ABCC1: variants seen among roughly 807,000 people sequenced by gnomAD.
ABCC1 encodes the protein ATP binding cassette subfamily C member 1 (ABCC1 blood group).
A neutral mutation model predicts 172.9 loss-of-function variants in ABCC1; 83 were observed. That is an observed-to-expected ratio of 0.48 (90% CI 0.40 to 0.58). The LOEUF (loss-of-function observed/expected upper bound fraction) is 0.58. Ranked by LOEUF, ABCC1 falls within the 20% of genes least tolerant of loss-of-function variation. ABCC1 has a pLI of 0.00. For missense variants in ABCC1, 1,817 were observed against 2,002.7 expected (o/e 0.91, Z 1.77); for synonymous variants, 937 against 825.2 (o/e 1.14, Z -2.32).
At chr16:16,124,952 T>A (rs1395231809) in intron 25 of ABCC1, 37 bp downstream of exon 25, 1 of 1,613,300 alleles carries the variant, frequency 6.2e-7, no homozygotes. Flanking sequence ...TATTAAAGTC[T>A]GTTAATGGGG....
Position 16,016,527 on chromosome 16 carries a change from C to A in ABCC1, c.521C>A (p.Thr174Asn). The change falls in exon 5 of 31, where the codon ACT (threonine) becomes AAT (asparagine). Residue 174 changes from threonine to asparagine, a missense_variant. Around this residue, in one of 3 missense-constraint regions of ABCC1, gnomAD observed 398 missense variants for 384.2 expected, o/e 1.04. Coordinates refer to ENST00000399410, the MANE Select transcript of ABCC1 (RefSeq NM_004996.4). ...DAQVDLFRDI[T>N]FYVYFSLLLI... ...CAGGTGGACCTGTTTCGTGACATCA[C>A]TTTCTACGTCTACTTTTCCCTCTTA... The A allele has an allele frequency of 6.2e-7, 1 of 1,614,170 alleles. No individual in the cohort carries two copies. Among genetic ancestry groups the A allele is most frequent in the Non-Finnish European group, 8.5e-7 (1 of 1,180,018 alleles).
intron 24 of ABCC1, among the ~76,000 whole-genome samples, chr16:16,124,173 A>T (rs1360230292): frequency 6.6e-6 from 1 of 152,208 alleles, no homozygotes; most frequent in Non-Finnish European, 1.5e-5. Context: ...TCTGTCTCGT[A>T]ACAAGAGACT....
chr16:15,958,336 A>G (rs2046049221), intron 1 of ABCC1, among the ~76,000 whole-genome samples: 1 of 150,878 alleles, frequency 6.6e-6, no homozygotes, highest in Non-Finnish European at 1.5e-5. Context: ...GAATTCCTGA[A>G]CTCAAGTGGA....
chr16:16,010,037 C>CT lies in ABCC1; in HGVS notation c.351+159dup, dbSNP rs71388789. 8.5e-3 allele frequency: 920 copies of CT among 108,006 alleles called. 28 individuals are homozygous for CT. The highest frequency in any genetic ancestry group is 0.033 in the South Asian group (160 of 4,846). The allele number at this position is 108,006 out of a possible 1,614,324, so 6.7% of individuals were successfully genotyped here. A position where few individuals can be genotyped will look rare whatever the true frequency, so the allele number is the denominator to read the frequency against. On this transcript the variant is annotated intron_variant, in intron 3 of 30. Coordinates refer to ENST00000399410, the MANE Select transcript of ABCC1 (RefSeq NM_004996.4). ...AGCTGGGATATAAATTAAATGTAGCCTTTTTTTTTTTTTTTTTTTTTTTAA... is the reference window on the plus strand; with the variant it reads ...AGCTGGGATATAAATTAAATGTAGCCTTTTTTTTTTTTTTTTTTTTTTTTAA...
chr16:16,008,060 G>A (rs1278045257), intron 2 of ABCC1, 68 bp downstream of exon 2: 12 of 1,431,248 alleles, frequency 8.4e-6, no homozygotes, highest in Non-Finnish European at 1.1e-5. Flanking sequence ...GGTGGTTGGT[G>A]ATAACTGACA....
In ABCC1 at chr16:16,098,785, C is replaced by T. The variant is rs895264763; in HGVS notation, c.2645-3842C>T. 6 of 1,208,050 alleles carry T rather than the reference C, an allele frequency of 5.0e-6. No homozygotes were observed. In the African/African-American group the frequency reaches 6.2e-5, roughly 12 times the overall value. 74.8% of individuals were successfully genotyped at this position (1,208,050 alleles called of 1,614,324 possible). A position where few individuals can be genotyped will look rare whatever the true frequency, so the allele number is the denominator to read the frequency against. On this transcript the variant is annotated intron_variant, in intron 19 of 30. Coordinates refer to ENST00000399410, the MANE Select transcript of ABCC1 (RefSeq NM_004996.4). ...TGCCTCTCCCCCTTTAGAAAAGACA[C>T]TCCCTTCACTCCTTTATTTAGATAG...
rs772691417 is a variant in ABCC1 at position 16,114,902 on chromosome 16, G to A, written c.3216G>A (p.Leu1072=). The change falls in exon 23 of 31, where the codon CTG becomes CTA. Residue 1072 remains leucine (L), a synonymous_variant. Coordinates refer to ENST00000399410, the MANE Select transcript of ABCC1 (RefSeq NM_004996.4). ...TTGAGCGGACCCCCAGTGGGAACCT[G>A]GTGAACCGCTTCTCCAAGGAGCTGG... is the stretch of plus-strand genomic sequence containing the variant. The part of the protein sequence containing the change: ...SFFERTPSGN[L]VNRFSKELDT... 2 of 1,613,788 alleles carry A rather than the reference G, an allele frequency of 1.2e-6. No homozygotes were observed. The highest frequency in any genetic ancestry group is 1.3e-5 in the African/African-American group (1 of 74,936).
intron 14 of ABCC1, among the ~76,000 whole-genome samples, chr16:16,072,409 T>C (rs1304906085): frequency 1.3e-5 from 2 of 151,782 alleles, no homozygotes; most frequent in East Asian, 1.9e-4. Context: ...GGTCTCGAAC[T>C]CCTTAGCTCA....
Position 15,949,685 on chromosome 16 carries a change from C to A in ABCC1, c.-67C>A. The A allele has an allele frequency of 5.0e-6, 5 of 995,762 alleles. No homozygotes were observed. Among genetic ancestry groups the A allele is most frequent in the Non-Finnish European group, 6.0e-6 (5 of 832,456 alleles). The allele number at this position is 995,762 out of a possible 1,614,324, so 61.7% of individuals were successfully genotyped here. On this transcript the variant is annotated 5_prime_UTR_variant, in exon 1 of 31. Coordinates refer to ENST00000399410, the MANE Select transcript of ABCC1 (RefSeq NM_004996.4). ...ATCACCCGCCGCCCGGTGCCCGCCG[C>A]CGCCCGCGCCAGCAACCGGGCCCGA...
Position 15,949,790 on chromosome 16 carries a change from C to T in ABCC1, c.39C>T (p.Asp13=). The T allele has an allele frequency of 8.4e-7, 1 of 1,197,592 alleles. No homozygotes were observed. The highest frequency in any genetic ancestry group is 3.5e-5 in the East Asian group (1 of 28,262). 74.2% of individuals were successfully genotyped at this position (1,197,592 alleles called of 1,614,324 possible). A position where few individuals can be genotyped will look rare whatever the true frequency, so the allele number is the denominator to read the frequency against. ...LRGFCSADGS[D]PLWDWNVTWN... is the part of the protein sequence containing the mutation. ...GCTTCTGCAGCGCCGATGGCTCCGA[C>T]CCGCTCTGGGTACGTGCCGGGGGCC... The change falls in exon 1 of 31, where the codon GAC becomes GAT. Residue 13 remains aspartate (D), a synonymous_variant. Transcript: ENST00000399410.
chr16:16,132,287 G>T (rs149866141), intron 27 of ABCC1, among the ~76,000 whole-genome samples: 67 of 151,750 alleles, frequency 4.4e-4, no homozygotes, highest in South Asian at 2.1e-4. Flanking sequence ...CCTCCCAAGT[G>T]GGGGGACTAC....
rs192873916 is a variant in ABCC1, at chr16:16,008,397, G to T, written c.225+405G>T. On this transcript the variant is annotated intron_variant, in intron 2 of 30. Transcript: ENST00000399410. ...TAATTTATTTTTTGTAGAGAGGGGG[G>T]ACTTGCTGTGTTGCCCGGGCTGGTC... 2.0e-5 allele frequency among the ~76,000 whole-genome samples: 3 copies of T among 151,768 alleles called. 1 individual carries two copies. The highest frequency in any genetic ancestry group is 4.2e-4 in the South Asian group (2 of 4,798).
At position 16,009,866 on chromosome 16, in the gene ABCC1, T is replaced by G. The variant is rs770350478; in HGVS notation, c.316T>G (p.Phe106Val). Residue 106 changes from phenylalanine (F) to valine (V), a missense_variant, in exon 3 of 31, where the codon TTT (phenylalanine) becomes GTT (valine). Phe to Val is a conservative substitution (Grantham distance 50). This residue lies in a region of ABCC1 where 398 missense variants were observed against 384.2 expected (regional missense o/e 1.04). Coordinates refer to ENST00000399410, the MANE Select transcript of ABCC1 (RefSeq NM_004996.4). ...TCGGGGCATATTCCTGGCCCCAGTG[T>G]TTCTGGTCAGCCCAACTCTCTTGGG... ...RSRGIFLAPV[F>V]LVSPTLLGIT... 1 of 1,611,276 alleles carries G rather than the reference T, an allele frequency of 6.2e-7. No individual in the cohort carries two copies. The highest frequency in any genetic ancestry group is 1.7e-5 in the Admixed American group (1 of 59,514).
At chr16:15,960,233 A>G (rs902730615) in intron 1 of ABCC1, among the ~76,000 whole-genome samples, 6 of 152,086 alleles carry the variant, frequency 3.9e-5, no homozygotes, top group African/African-American at 1.2e-4. Flanking sequence ...GGCATGCACC[A>G]GCACACCCGG....
intron 1 of ABCC1, among the ~76,000 whole-genome samples, chr16:15,986,127 G>T (rs930284236): frequency 1.3e-5 from 2 of 151,936 alleles, no homozygotes; most frequent in African/African-American, 2.4e-5. Flanking sequence ...TAGAGACGGG[G>T]TTTCACCATG....
At chr16:15,961,059 T>C (rs562621033) in intron 1 of ABCC1, among the ~76,000 whole-genome samples, 1 of 150,246 alleles carries the variant, frequency 6.7e-6, no homozygotes, top group African/African-American at 2.5e-5. Flanking sequence ...CTGCTCAGGC[T>C]GGTCTCGAAC....
intron 5 of ABCC1, among the ~76,000 whole-genome samples, chr16:16,032,146 A>C (rs1314751286): frequency 6.6e-6 from 1 of 152,002 alleles, no homozygotes; most frequent in African/African-American, 2.4e-5. Context: ...GCCTGCCACC[A>C]CATCCAGCTA....
Position 16,044,664 on chromosome 16 carries a change from G to A in ABCC1, c.1024G>A (p.Gly342Arg), listed in dbSNP as rs781254269. 2 of 1,614,030 alleles carry A rather than the reference G, an allele frequency of 1.2e-6. No homozygotes were observed. Among genetic ancestry groups the A allele is most frequent in the Non-Finnish European group, 1.7e-6 (2 of 1,179,976 alleles). Reference sequence around the variant, plus strand: ...CATCCACGACCTGATGATGTTTTCCGGGCCGCAGATCTTAAAGTAAGACCC... The same window carrying A: ...CATCCACGACCTGATGATGTTTTCCAGGCCGCAGATCTTAAAGTAAGACCC... ...KAIHDLMMFS[G>R]PQILKLLIKF... is the part of the protein sequence containing the mutation. Residue 342 changes from glycine (G) to arginine (R), a missense_variant, in exon 8 of 31, where the codon GGG becomes AGG. Transcript: ENST00000399410.
intron 9 of ABCC1, among the ~76,000 whole-genome samples, chr16:16,047,843 C>G (rs538693344): frequency 1.8e-4 from 28 of 151,502 alleles, no homozygotes; most frequent in Non-Finnish European, 2.5e-4. Flanking sequence ...CCACTCCCCC[C>G]AGAAAAACCC....
Sources: gnomAD v4.1 joint callset for allele counts (sites outside exome capture counted in the v4.1 genomes callset) on GRCh38, gnomAD v4.1.1 for gene constraint, gnomAD v4.1.1 regional missense constraint, MANE v1.5 for transcripts, NCBI Gene and HGNC (gene_info 2026-07-23, HGNC 2026-07-21) for gene names.